Variants in GPHN observed in about 807,000 individuals in gnomAD.
GPHN encodes the protein gephyrin.
Under a neutral mutation model 95.5 loss-of-function variants are expected in GPHN, and 17 were observed. The observed-to-expected ratio is 0.18, with a 90% CI of 0.12 to 0.27. The LOEUF (loss-of-function observed/expected upper bound fraction) is 0.27, where lower values mean the gene tolerates loss of function less well. Ranked by LOEUF, GPHN falls within the 10% of genes least tolerant of loss-of-function variation. GPHN has a pLI of 1.00. For synonymous variants in GPHN, 320 were observed against 322.5 expected (o/e 0.99, Z 0.08); for missense variants, 660 against 978.1 (o/e 0.67, Z 4.34).
chr14:67,463,715 A>G, the GPHN span, among the ~76,000 whole-genome samples: 33 of 151,726 alleles, frequency 2.2e-4, no homozygotes, highest in African/African-American at 7.3e-4. Context: ...GACCATCAGC[A>G]GAGTTAACTT....
chr14:67,359,576 C>T, the GPHN span: 1 of 1,496,882 alleles, frequency 6.7e-7, no homozygotes, highest in African/African-American at 1.4e-5. Context: ...AACAAGGACC[C>T]TCACTGTGGC....
chr14:67,055,998 C>T (rs1290089676), intron 10 of GPHN, among the ~76,000 whole-genome samples: 1 of 152,102 alleles, frequency 6.6e-6, no homozygotes, highest in Admixed American at 6.5e-5. Context: ...AGACCTTCAC[C>T]GTGAGTGTTA....
the GPHN span, chr14:67,647,769 T>C: frequency 2.6e-6 from 1 of 380,372 alleles, no homozygotes; most frequent in East Asian, 4.7e-5. Flanking sequence ...TAAGAGGTTC[T>C]AATACCCAGT....
At chr14:66,548,916 A>G (rs2059710597) in intron 1 of GPHN, among the ~76,000 whole-genome samples, 2 of 152,222 alleles carry the variant, frequency 1.3e-5, no homozygotes, top group South Asian at 4.1e-4. Context: ...GATCTAAGAG[A>G]AAATAACAAA....
At chr14:67,726,084 C>T in the GPHN span, 14 of 1,613,818 alleles carry the variant, frequency 8.7e-6, no homozygotes, top group East Asian at 6.7e-5. Context: ...ATCAACAATG[C>T]GGGAGTAATG....
intron 1 of GPHN, among the ~76,000 whole-genome samples, chr14:66,639,139 C>CATATATATATATATATAT (rs2064260077): frequency 9.3e-6 from 1 of 107,744 alleles, no homozygotes; most frequent in South Asian, 3.0e-4. Flanking sequence ...TATATATATG[C>CATATATATATATATATAT]ATAGGTGACT....
At chr14:66,540,992 G>A (rs1398827087) in intron 1 of GPHN, among the ~76,000 whole-genome samples, 1 of 151,630 alleles carries the variant, frequency 6.6e-6, no homozygotes, top group Non-Finnish European at 1.5e-5. Context: ...CTGTCACCCA[G>A]GGTGGAGTGC....
chr14:66,586,780 T>C (rs2061438069), intron 1 of GPHN, among the ~76,000 whole-genome samples: 2 of 151,946 alleles, frequency 1.3e-5, no homozygotes. Flanking sequence ...TTTATAGCAA[T>C]AAACACACAG....
the GPHN span, among the ~76,000 whole-genome samples, chr14:67,369,765 A>G: frequency 6.6e-6 from 1 of 152,218 alleles, no homozygotes; most frequent in African/African-American, 2.4e-5. Flanking sequence ...CTTATATTAG[A>G]AAAGAATAAA....
intron 8 of GPHN, among the ~76,000 whole-genome samples, chr14:66,951,475 C>T (rs1035546714): frequency 2.0e-5 from 3 of 148,462 alleles, no homozygotes; most frequent in African/African-American, 7.5e-5. Flanking sequence ...AAGATCGCAC[C>T]ACTGCACTCC....
At chr14:66,658,680 G>A (rs948948434) in intron 1 of GPHN, among the ~76,000 whole-genome samples, 4 of 152,022 alleles carry the variant, frequency 2.6e-5, no homozygotes, top group Admixed American at 6.5e-5. Flanking sequence ...TTTTGAAAAC[G>A]TAATCCTATT....
chr14:66,508,478 G>T lies in GPHN; in HGVS notation c.-50G>T, dbSNP rs761591345. 1.3e-6 allele frequency: 2 copies of T among 1,581,998 alleles called. No homozygotes were observed. The highest frequency in any genetic ancestry group is 4.5e-5 in the East Asian group (2 of 44,692). ...GCGCGCTCCCGGCCCGCGCGCTCCG[G>T]GCTCCGGTTTCTCCCGGCTCCTGTC... is the stretch of plus-strand genomic sequence containing the variant. On this transcript the variant is annotated 5_prime_UTR_variant, in exon 1 of 23. Transcript: ENST00000478722.
chr14:66,591,271 C>T (rs965000799), intron 1 of GPHN, among the ~76,000 whole-genome samples: 3 of 152,202 alleles, frequency 2.0e-5, no homozygotes, highest in African/African-American at 7.2e-5. Context: ...TCTCTCACCA[C>T]TCCTATTCAA....
intron 2 of GPHN, among the ~76,000 whole-genome samples, chr14:66,732,308 G>A (rs965096264): frequency 6.6e-6 from 1 of 152,224 alleles, no homozygotes. Context: ...CACCAAAGCT[G>A]CCCAAGGCTG....
the GPHN span, among the ~76,000 whole-genome samples, chr14:67,685,387 A>G: frequency 6.6e-6 from 1 of 152,214 alleles, no homozygotes; most frequent in African/African-American, 2.4e-5. Flanking sequence ...AAGGCTCTAG[A>G]GTAGACAGTG....
At chr14:67,600,033 G>A in the GPHN span, 1 of 1,570,692 alleles carries the variant, frequency 6.4e-7, no homozygotes, top group Non-Finnish European at 8.6e-7. Flanking sequence ...CCTCGCAGAG[G>A]GTGAAGAGTC....
At chr14:67,584,260 C>G in the GPHN span, 1 of 819,616 alleles carries the variant, frequency 1.2e-6, no homozygotes, top group Admixed American at 2.6e-5. Context: ...TGTTTCTGGC[C>G]TAGTCCAGCT....
In GPHN at chr14:67,127,253, TAA is replaced by T. The variant is rs147026463; in HGVS notation, c.1748+4888_1748+4889del. ...ATGTACCCTAAAACTTAAAGTATAA[TAA>T]AAAAAAAAAAATGGCTTTGCAATTT... On this transcript the variant is annotated intron_variant, in intron 17 of 22. Transcript: ENST00000478722. Among the ~76,000 whole-genome samples, 313 of 144,914 alleles carry T rather than the reference TAA, an allele frequency of 2.2e-3. No homozygotes were observed. In the East Asian group the frequency reaches 0.022, roughly 10 times the overall value.
At chr14:66,617,627 C>T (rs557798762) in intron 1 of GPHN, among the ~76,000 whole-genome samples, 33 of 152,218 alleles carry the variant, frequency 2.2e-4, no homozygotes, top group Admixed American at 3.9e-4. Flanking sequence ...TGGGAGCCTC[C>T]GAACATGGCT....
Sources: gnomAD v4.1 joint callset for allele counts (sites outside exome capture counted in the v4.1 genomes callset) on GRCh38, gnomAD v4.1.1 for gene constraint, MANE v1.5 for transcripts, NCBI Gene and HGNC (gene_info 2026-07-23, HGNC 2026-07-21) for gene names.